Variants in CADPS observed in about 807,000 individuals in gnomAD.
CADPS encodes calcium-dependent secretion activator 1.
CADPS carries 57 observed loss-of-function variants against 167.3 expected under a neutral mutation model. The ratio of observed to expected loss-of-function variants is 0.34; its 90% CI spans 0.28 to 0.42. The LOEUF is 0.42. Among genes scored for constraint, CADPS ranks in the 20% least tolerant of loss-of-function variants. The pLI, the probability that CADPS is intolerant of heterozygous loss-of-function variation, is 1.00. For synonymous variants in CADPS, 676 were observed against 635.3 expected (o/e 1.06, Z -0.96); for missense variants, 1,414 against 1,738.1 (o/e 0.81, Z 3.32).
intron 6 of CADPS, among the ~76,000 whole-genome samples, chr3:62,643,298 C>A (rs1396587150): frequency 6.6e-6 from 1 of 152,206 alleles, no homozygotes; most frequent in Non-Finnish European, 1.5e-5. Context: ...TGGCCTCGAA[C>A]CCTTCTCAAT....
intron 3 of CADPS, among the ~76,000 whole-genome samples, chr3:62,734,030 T>C (rs1015537216): frequency 1.3e-5 from 2 of 152,236 alleles, no homozygotes; most frequent in Non-Finnish European, 2.9e-5. Context: ...CTTTATCTAC[T>C]TGTTGGTTGA....
At chr3:62,536,732 A>G in intron 11 of CADPS, 151 bp from the exon 12 acceptor site, 1 of 728,858 alleles carries the variant, frequency 1.4e-6, no homozygotes. Flanking sequence ...TATTCTTTTT[A>G]CCTCCCATTG....
intron 3 of CADPS, among the ~76,000 whole-genome samples, chr3:62,736,240 T>C (rs941974445): frequency 2.0e-5 from 3 of 152,190 alleles, no homozygotes; most frequent in Non-Finnish European, 2.9e-5. Flanking sequence ...AATAAAATAA[T>C]GCCAACTGCC....
At position 62,481,887 on chromosome 3, in the gene CADPS, A is replaced by G. The variant is rs1576617221; in HGVS notation, c.3027-18T>C. 6.2e-7 allele frequency: 1 copy of G among 1,601,302 alleles called. No homozygotes were observed. The highest frequency in any genetic ancestry group is 8.5e-7 in the Non-Finnish European group (1 of 1,175,392). ...TTAAACTCCTGTGGAAGAAACAGACAGAAAGAAAAAATACCATCACAGTGA... is the reference window on the plus strand; with the variant it reads ...TTAAACTCCTGTGGAAGAAACAGACGGAAAGAAAAAATACCATCACAGTGA... On this transcript the variant is annotated intron_variant, in intron 21 of 29. Transcript: ENST00000383710.
intron 26 of CADPS, among the ~76,000 whole-genome samples, chr3:62,464,308 C>T (rs1212644022): frequency 2.0e-5 from 3 of 152,192 alleles, no homozygotes; most frequent in African/African-American, 4.8e-5. Flanking sequence ...ATGTGCCATC[C>T]ACTACCCTGT....
At chr3:62,565,752 T>C (rs1472337417) in intron 9 of CADPS, among the ~76,000 whole-genome samples, 2 of 152,176 alleles carry the variant, frequency 1.3e-5, no homozygotes. Flanking sequence ...GAAATGGGAA[T>C]TGCTACTTTG....
intron 1 of CADPS, among the ~76,000 whole-genome samples, chr3:62,871,174 C>T (rs1205203671): frequency 6.6e-6 from 1 of 152,024 alleles, no homozygotes; most frequent in African/African-American, 2.4e-5. Context: ...AAAAGTGAAA[C>T]CAAAGTAATT....
At chr3:62,707,855 G>T (rs1282156687) in intron 3 of CADPS, among the ~76,000 whole-genome samples, 1 of 151,894 alleles carries the variant, frequency 6.6e-6, no homozygotes. Context: ...GACATGTATG[G>T]CTTGCATTAT....
intron 3 of CADPS, among the ~76,000 whole-genome samples, chr3:62,692,839 A>C (rs981612773): frequency 4.6e-5 from 7 of 152,006 alleles, no homozygotes; most frequent in Admixed American, 1.3e-4. Context: ...GGGACAGCTG[A>C]CATCTTTGTT....
chr3:62,414,347 A>C (rs1302137055), intron 28 of CADPS, among the ~76,000 whole-genome samples: 1 of 152,228 alleles, frequency 6.6e-6, no homozygotes, highest in South Asian at 2.1e-4. Flanking sequence ...CCACCACAAC[A>C]GACTTATTAA....
intron 1 of CADPS, among the ~76,000 whole-genome samples, chr3:62,812,938 C>A (rs2094453779): frequency 6.6e-6 from 1 of 151,990 alleles, no homozygotes; most frequent in Non-Finnish European, 1.5e-5. Flanking sequence ...ATGGATAAAG[C>A]ACAGGAGTAG....
chr3:62,716,876 G>A (rs1254555234), intron 3 of CADPS, among the ~76,000 whole-genome samples: 1 of 152,114 alleles, frequency 6.6e-6, no homozygotes, highest in African/African-American at 2.4e-5. Context: ...TTTCCTGGTG[G>A]TACACCTGCA....
chr3:62,799,453 C>A (rs1324118253), intron 1 of CADPS, among the ~76,000 whole-genome samples: 2 of 152,126 alleles, frequency 1.3e-5, no homozygotes, highest in Non-Finnish European at 2.9e-5. Context: ...ATTATACCTT[C>A]ACAGACTGAT....
At chr3:62,783,433 G>C (rs752379102) in intron 1 of CADPS, among the ~76,000 whole-genome samples, 1 of 152,144 alleles carries the variant, frequency 6.6e-6, no homozygotes, top group Non-Finnish European at 1.5e-5. Flanking sequence ...CAGGTTAGCA[G>C]TACCTCTACA....
At chr3:62,632,514 G>A (rs575890195) in intron 6 of CADPS, among the ~76,000 whole-genome samples, 10 of 152,144 alleles carry the variant, frequency 6.6e-5, no homozygotes, top group South Asian at 6.2e-4. Context: ...AGATTCCACC[G>A]TAGAGTTGGA....
chr3:62,690,981 A>G (rs1268911922), intron 3 of CADPS, among the ~76,000 whole-genome samples: 1 of 152,108 alleles, frequency 6.6e-6, no homozygotes. Flanking sequence ...ACAATAGAAT[A>G]TTATTCAGCA....
chr3:62,452,554 T>A (rs1262776400), intron 26 of CADPS, among the ~76,000 whole-genome samples: 3 of 146,044 alleles, frequency 2.1e-5, no homozygotes, highest in Non-Finnish European at 4.6e-5. Context: ...GAATTAAGAA[T>A]TTCTATGTTA....
At chr3:62,557,356 G>C in intron 10 of CADPS, 49 bp downstream of exon 10, 1 of 1,236,144 alleles carries the variant, frequency 8.1e-7, no homozygotes, top group African/African-American at 1.5e-5. Flanking sequence ...CCATTGATTT[G>C]GGAAGGTTGA....
chr3:62,608,954 T>C (rs1228696751), intron 6 of CADPS, among the ~76,000 whole-genome samples: 3 of 152,200 alleles, frequency 2.0e-5, no homozygotes, highest in African/African-American at 7.2e-5. Flanking sequence ...ATTTCTGCCA[T>C]GCATTTTCTC....
Sources: gnomAD v4.1 joint callset for allele counts (sites outside exome capture counted in the v4.1 genomes callset) on GRCh38, gnomAD v4.1.1 for gene constraint, MANE v1.5 for transcripts, NCBI Gene and HGNC (gene_info 2026-07-23, HGNC 2026-07-21) for gene names.